LUC7L2: variants seen among roughly 807,000 people sequenced by gnomAD.
LUC7L2 encodes LUC7 like 2, pre-mRNA splicing factor.
A neutral mutation model predicts 52.8 loss-of-function variants in LUC7L2; 25 were observed. That is an observed-to-expected ratio of 0.47 (90% CI 0.34 to 0.66). LUC7L2 has a LOEUF of 0.66. Among genes scored for constraint, LUC7L2 ranks in the 30% least tolerant of loss-of-function variants. The pLI is 0.01. For missense variants in LUC7L2, 328 were observed against 497.8 expected (o/e 0.66, Z 3.25); for synonymous variants, 144 against 160.9 (o/e 0.89, Z 0.80).
chr7:139,410,650 A>C (rs115161708), intron 7 of LUC7L2, among the ~76,000 whole-genome samples: 1 of 152,170 alleles, frequency 6.6e-6, no homozygotes, highest in Non-Finnish European at 1.5e-5. Flanking sequence ...CTGTAGTCCT[A>C]ATTTATAGTG....
At chr7:139,393,097 A>C (rs1297223655) in intron 2 of LUC7L2, among the ~76,000 whole-genome samples, 4 of 151,878 alleles carry the variant, frequency 2.6e-5, no homozygotes, top group African/African-American at 7.2e-5. Context: ...TGAAACCCCA[A>C]CTCTACTAAA....
At chr7:139,359,709 T>TTGCACAGTCAGTTAAGGAACCAGAG, upstream of LUC7L2, 1 of 398,626 alleles carries the variant, frequency 2.5e-6, no homozygotes, top group Non-Finnish European at 4.4e-6. Flanking sequence ...CGGATCCGGC[T>TTGCACAGTCAGTTAAGGAACCAGAG]TGCACAGTCA....
At position 139,417,683 on chromosome 7, in the gene LUC7L2, A is replaced by G. The variant is rs371709833; in HGVS notation, c.955A>G (p.Ser319Gly). Residue 319 changes from serine (S) to glycine (G), a missense_variant, in exon 9 of 10, where the codon AGT becomes GGT. Physicochemically the swap from Ser to Gly is moderately conservative, Grantham distance 56. Transcript: ENST00000354926. ...TAGCCGCAGCCGTAGCCACCAGAGAAGTCGGCACAGTTCTAGAGATAGGAG... is the reference window on the plus strand; with the variant it reads ...TAGCCGCAGCCGTAGCCACCAGAGAGGTCGGCACAGTTCTAGAGATAGGAG... ...SRSRSRSHQR[S>G]RHSSRDRSRE... 32 of 1,614,080 alleles carry G rather than the reference A, an allele frequency of 2.0e-5. No individual in the cohort carries two copies. Among genetic ancestry groups the G allele is most frequent in the Non-Finnish European group, 2.0e-5 (24 of 1,180,056 alleles).
chr7:139,359,665 G>C (rs922970061), upstream of LUC7L2: 9 of 397,730 alleles, frequency 2.3e-5, no homozygotes, highest in Admixed American at 4.4e-5. Flanking sequence ...CTACAGCCGG[G>C]AGGGAATGTA....
intron 2 of LUC7L2, among the ~76,000 whole-genome samples, chr7:139,380,674 T>C (rs930243751): frequency 6.6e-6 from 1 of 152,216 alleles, no homozygotes; most frequent in East Asian, 1.9e-4. Flanking sequence ...GTAGTCTCTC[T>C]CTTTTCCTCA....
chr7:139,359,255 G>C (rs1203262144), upstream of LUC7L2: 1 of 152,312 alleles, frequency 6.6e-6, no homozygotes, highest in Non-Finnish European at 1.5e-5. Context: ...TTCACATTCA[G>C]ACTAAGCCGC....
chr7:139,352,624 C>G (rs1306536590), intron 1 of LUC7L2, among the ~76,000 whole-genome samples: 1 of 152,210 alleles, frequency 6.6e-6, no homozygotes, highest in Non-Finnish European at 1.5e-5. Flanking sequence ...CTTGTCATTT[C>G]TCCTCTCCAC....
chr7:139,399,182 C>A (rs1452304525), intron 3 of LUC7L2, among the ~76,000 whole-genome samples: 1 of 151,952 alleles, frequency 6.6e-6, no homozygotes, highest in Non-Finnish European at 1.5e-5. Context: ...TTGTTGCATC[C>A]GTACTGAACA....
chr7:139,387,573 T>G (rs944716619), intron 2 of LUC7L2, among the ~76,000 whole-genome samples: 1 of 152,150 alleles, frequency 6.6e-6, no homozygotes. Flanking sequence ...TTCGATGAAG[T>G]GACATTTGAG....
chr7:139,422,392 A>G lies in LUC7L2; in HGVS notation c.*52A>G, dbSNP rs769239771. On this transcript the variant is annotated 3_prime_UTR_variant, in exon 10 of 10. Coordinates refer to ENST00000354926, the MANE Select transcript of LUC7L2 (RefSeq NM_016019.5). ...TAAGCTTCCTACGGAGTTACGTACT[A>G]TTGTTTAGTTCACAGCTGTTCAGGG... 1.1e-5 allele frequency: 17 copies of G among 1,557,652 alleles called. No homozygotes were observed. Among genetic ancestry groups the G allele is most frequent in the Admixed American group, 9.9e-5 (5 of 50,432 alleles).
intron 1 of LUC7L2, among the ~76,000 whole-genome samples, chr7:139,363,913 A>T (rs1321090750): frequency 6.6e-6 from 1 of 151,614 alleles, no homozygotes; most frequent in Non-Finnish European, 1.5e-5. Context: ...ATCCCAGGAA[A>T]GTCTGGGAAG....
At chr7:139,387,046 G>C (rs980479405) in intron 2 of LUC7L2, among the ~76,000 whole-genome samples, 6 of 151,584 alleles carry the variant, frequency 4.0e-5, no homozygotes, top group African/African-American at 1.5e-4. Context: ...CACCATGTTG[G>C]CCAGGCTGGT....
chr7:139,390,937 T>C (rs575702618), intron 2 of LUC7L2, among the ~76,000 whole-genome samples: 1 of 152,336 alleles, frequency 6.6e-6, no homozygotes, highest in African/African-American at 2.4e-5. Flanking sequence ...CCTTCTCAGA[T>C]CTAAACCTTG....
intron 1 of LUC7L2, chr7:139,341,401 C>A (rs763330994): frequency 1.2e-6 from 2 of 1,613,028 alleles, no homozygotes; most frequent in Non-Finnish European, 1.7e-6. Context: ...GCCTTAGGGT[C>A]CCCGTCGCAC....
At chr7:139,372,638 T>C (rs941805265) in intron 1 of LUC7L2, among the ~76,000 whole-genome samples, 4 of 152,194 alleles carry the variant, frequency 2.6e-5, no homozygotes, top group Non-Finnish European at 5.9e-5. Context: ...TATAACTTAT[T>C]ACTCCATTAA....
intron 2 of LUC7L2, among the ~76,000 whole-genome samples, chr7:139,383,795 GT>G (rs1794069245): frequency 1.5e-5 from 1 of 65,360 alleles, no homozygotes. Flanking sequence ...GTGCAGTGGT[GT>G]GATCTCGGCT....
At chr7:139,405,601 A>G (rs548603775) in intron 4 of LUC7L2, 43 bp from the exon 5 acceptor site, 10 of 1,540,296 alleles carry the variant, frequency 6.5e-6, no homozygotes, top group South Asian at 5.1e-5. Flanking sequence ...TTTAAAATTC[A>G]TTCTCTTGTT....
At chr7:139,419,064 C>G (rs550316591) in intron 9 of LUC7L2, among the ~76,000 whole-genome samples, 1 of 151,560 alleles carries the variant, frequency 6.6e-6, no homozygotes. Flanking sequence ...GAGCCAAGAT[C>G]GCACCACTGC....
At chr7:139,407,056 C>T (rs1795161666) in intron 5 of LUC7L2, 118 bp from the exon 6 acceptor site, 2 of 1,069,510 alleles carry the variant, frequency 1.9e-6, no homozygotes, top group Non-Finnish European at 1.2e-6. Flanking sequence ...GCCACCGTGC[C>T]CAGCCACTTT....
Sources: gnomAD v4.1 joint callset for allele counts (sites outside exome capture counted in the v4.1 genomes callset) on GRCh38, gnomAD v4.1.1 for gene constraint, MANE v1.5 for transcripts, NCBI Gene and HGNC (gene_info 2026-07-23, HGNC 2026-07-21) for gene names.